The following CCDC178 variants were observed in gnomAD, a reference collection of about 807,000 sequenced individuals.
CCDC178 encodes the protein coiled-coil domain-containing protein 178.
In CCDC178, 126 loss-of-function variants were observed where a neutral mutation model predicts 117.4. The observed-to-expected ratio is 1.07, with a 90% CI of 0.93 to 1.24. CCDC178 has a LOEUF of 1.24. Ranked by LOEUF, CCDC178 falls within the 50% of genes most tolerant of loss-of-function variation. The pLI is 0.00. For missense variants in CCDC178, 1,030 were observed against 986.9 expected (o/e 1.04, Z -0.59); for synonymous variants, 283 against 313.4 (o/e 0.90, Z 1.02).
At chr18:33,389,738 A>C in intron 4 of CCDC178, 109 bp from the exon 5 acceptor site, 2 of 430,302 alleles carry the variant, frequency 4.6e-6, no homozygotes, top group South Asian at 1.5e-4. Flanking sequence ...TCTCCTTAAA[A>C]GAAAAACAAC....
chr18:33,383,771 C>T (rs1236116751), intron 5 of CCDC178, among the ~76,000 whole-genome samples: 1 of 152,120 alleles, frequency 6.6e-6, no homozygotes, highest in African/African-American at 2.4e-5. Context: ...AATGCAAAAA[C>T]ACTGAAAATT....
intron 15 of CCDC178, among the ~76,000 whole-genome samples, chr18:33,242,043 G>C (rs2059494467): frequency 6.6e-6 from 1 of 151,800 alleles, no homozygotes; most frequent in African/African-American, 2.4e-5. Flanking sequence ...TTCAAAGATA[G>C]CATGGTACTG....
At chr18:33,042,594 C>T (rs1355463662) in intron 21 of CCDC178, among the ~76,000 whole-genome samples, 1 of 151,832 alleles carries the variant, frequency 6.6e-6, no homozygotes. Context: ...TGGAGGACAA[C>T]TGGGAATGAC....
At position 33,048,344 on chromosome 18, in the gene CCDC178, C is replaced by T. The variant is rs148105696; in HGVS notation, c.2388+44417G>A. 7.0e-3 allele frequency among the ~76,000 whole-genome samples: 1,071 copies of T among 152,292 alleles called. 9 individuals are homozygous for T. The highest frequency in any genetic ancestry group is 0.025 in the African/African-American group (1,024 of 41,556). ...ATACCATCATATAAGATACTCCCAACATTCTAACTCAGTTTCCTGGTAGTA... is the reference window on the plus strand; with the variant it reads ...ATACCATCATATAAGATACTCCCAATATTCTAACTCAGTTTCCTGGTAGTA... On this transcript the variant is annotated intron_variant, in intron 21 of 22. Transcript: ENST00000383096.
In CCDC178 at chr18:33,348,967, G is replaced by C. The variant is rs1411441525; in HGVS notation, c.380C>G (p.Thr127Ser). 1 of 1,605,692 alleles carries C rather than the reference G, an allele frequency of 6.2e-7. No homozygotes were observed. Among genetic ancestry groups the C allele is most frequent in the Non-Finnish European group, 8.5e-7 (1 of 1,175,362 alleles). ...FETSFEEWSR[T>S]SSTKDLKEDW... ...TTCTTTCAGGTCTTTTGTGGAAGAA[G>C]TTCTGCTCCTATATAATGGGAAAGA... Residue 127 changes from threonine to serine, a missense_variant, in exon 8 of 23, where the codon ACT becomes AGT. Thr to Ser is a moderately conservative substitution (Grantham distance 58). Coordinates refer to ENST00000383096, the MANE Select transcript of CCDC178 (RefSeq NM_001105528.4).
chr18:33,334,385 T>A (rs1297184309), intron 9 of CCDC178, among the ~76,000 whole-genome samples: 1 of 152,010 alleles, frequency 6.6e-6, no homozygotes, highest in Non-Finnish European at 1.5e-5. Context: ...ATTTGAAATT[T>A]TAAGCACAGG....
chr18:33,361,134 A>C (rs989227775), intron 6 of CCDC178, among the ~76,000 whole-genome samples: 2 of 151,736 alleles, frequency 1.3e-5, no homozygotes, highest in Non-Finnish European at 3.0e-5. Context: ...TCCTGGCATA[A>C]AAACAAAAAC....
At chr18:33,140,496 C>T (rs2058188937) in intron 20 of CCDC178, among the ~76,000 whole-genome samples, 1 of 152,158 alleles carries the variant, frequency 6.6e-6, no homozygotes, top group Non-Finnish European at 1.5e-5. Context: ...ATGTGAGACA[C>T]AGAGTCAAAG....
At chr18:33,395,182 T>C (rs959777051) in intron 4 of CCDC178, among the ~76,000 whole-genome samples, 1 of 151,168 alleles carries the variant, frequency 6.6e-6, no homozygotes, top group Non-Finnish European at 1.5e-5. Flanking sequence ...TAGTCTCACG[T>C]TCCATAGACA....
intron 20 of CCDC178, among the ~76,000 whole-genome samples, chr18:33,179,559 C>A (rs2645886): frequency 6.6e-6 from 1 of 151,850 alleles, no homozygotes; most frequent in Non-Finnish European, 1.5e-5. Context: ...AAACTAATGT[C>A]TCTCTCTGTC....
chr18:33,023,252 G>A (rs563767995), intron 21 of CCDC178, among the ~76,000 whole-genome samples: 48 of 152,132 alleles, frequency 3.2e-4, no homozygotes, highest in African/African-American at 1.1e-3. Flanking sequence ...CATTTATAGA[G>A]ACATTCCATC....
chr18:33,424,500 A>G (rs2064086431), intron 2 of CCDC178, among the ~76,000 whole-genome samples: 1 of 152,144 alleles, frequency 6.6e-6, no homozygotes. Context: ...CTATTTGTGT[A>G]AGTTCATACT....
intron 20 of CCDC178, among the ~76,000 whole-genome samples, chr18:33,164,366 G>A (rs1447098007): frequency 6.6e-6 from 1 of 151,660 alleles, no homozygotes; most frequent in Non-Finnish European, 1.5e-5. Context: ...CGCCAACCTC[G>A]GCCTCCCAAA....
intron 7 of CCDC178, among the ~76,000 whole-genome samples, chr18:33,350,036 T>C (rs1048990504): frequency 2.6e-5 from 4 of 152,004 alleles, no homozygotes; most frequent in Non-Finnish European, 5.9e-5. Context: ...ATTTTCTTCC[T>C]TTAGTTTTCA....
intron 3 of CCDC178, among the ~76,000 whole-genome samples, 155 bp downstream of exon 3, chr18:33,411,876 T>C (rs1428327150): frequency 6.6e-6 from 1 of 152,182 alleles, no homozygotes; most frequent in African/African-American, 2.4e-5. Context: ...CACTCTTTTC[T>C]CTTAGCTCAC....
chr18:33,219,032 T>A (rs1281926972), intron 18 of CCDC178, among the ~76,000 whole-genome samples: 1 of 152,176 alleles, frequency 6.6e-6, no homozygotes, highest in Non-Finnish European at 1.5e-5. Context: ...AATCTATAAA[T>A]TACTTTGGGC....
At chr18:33,391,746 A>C (rs1439991315) in intron 4 of CCDC178, among the ~76,000 whole-genome samples, 2 of 152,240 alleles carry the variant, frequency 1.3e-5, no homozygotes, top group Non-Finnish European at 2.9e-5. Flanking sequence ...TGTATTCAAA[A>C]CAGAAATACA....
At chr18:33,276,105 T>C (rs889838032) in intron 12 of CCDC178, among the ~76,000 whole-genome samples, 1 of 152,012 alleles carries the variant, frequency 6.6e-6, no homozygotes, top group East Asian at 1.9e-4. Flanking sequence ...TTCTCAGACA[T>C]GATGTTAGGC....
intron 20 of CCDC178, among the ~76,000 whole-genome samples, chr18:33,204,563 C>G (rs374585530): frequency 6.6e-6 from 1 of 152,062 alleles, no homozygotes; most frequent in Non-Finnish European, 1.5e-5. Context: ...TTTTCTTTTA[C>G]AGTTAAGGAC....
Sources: gnomAD v4.1 joint callset for allele counts (sites outside exome capture counted in the v4.1 genomes callset) on GRCh38, gnomAD v4.1.1 for gene constraint, MANE v1.5 for transcripts, NCBI Gene and HGNC (gene_info 2026-07-23, HGNC 2026-07-21) for gene names.